The following SLC39A11 variants were observed in gnomAD, a reference collection of about 807,000 sequenced individuals.
SLC39A11 encodes the protein solute carrier family 39 member 11.
SLC39A11 carries 33 observed loss-of-function variants against 36.1 expected under a neutral mutation model. The observed-to-expected ratio is 0.91, with a 90% confidence interval of 0.69 to 1.22. The LOEUF (loss-of-function observed/expected upper bound fraction) is 1.22, where lower values mean the gene tolerates loss of function less well. SLC39A11 is among the 50% of genes most tolerant of loss of function. The pLI is 0.00. For missense variants in SLC39A11, 432 were observed against 430.3 expected, an observed-to-expected ratio of 1.00 and a Z score of -0.03; for synonymous variants, 166 against 170.3, an observed-to-expected ratio of 0.97 and a Z score of 0.20.
At chr17:72,675,286 G>T (rs1355388137) in intron 7 of SLC39A11, among the ~76,000 whole-genome samples, 2 of 152,160 alleles carry the variant, frequency 1.3e-5, no homozygotes, top group African/African-American at 4.8e-5. Flanking sequence ...CAGTGAGCTA[G>T]CTAGTTCTTC....
intron 7 of SLC39A11, among the ~76,000 whole-genome samples, chr17:72,729,442 TATATATATATATA>T (rs2074109248): frequency 3.5e-4 from 2 of 5,740 alleles, no homozygotes; most frequent in African/African-American, 9.8e-4. Flanking sequence ...TATATATATA[TATATATATATATA>T]TATTTTTTTT....
At chr17:72,665,982 G>A (rs964523726) in intron 7 of SLC39A11, among the ~76,000 whole-genome samples, 7 of 152,134 alleles carry the variant, frequency 4.6e-5, no homozygotes, top group Admixed American at 2.6e-4. Context: ...GGTGCATACA[G>A]CAATGAAACA....
chr17:73,016,037 T>C (rs1457617196), intron 4 of SLC39A11, among the ~76,000 whole-genome samples: 1 of 152,228 alleles, frequency 6.6e-6, no homozygotes, highest in Non-Finnish European at 1.5e-5. Context: ...CAAGATGCTT[T>C]CAGACCCTGG....
chr17:73,022,640 A>C (rs1184347390), intron 4 of SLC39A11, among the ~76,000 whole-genome samples: 1 of 149,898 alleles, frequency 6.7e-6, no homozygotes, highest in East Asian at 2.0e-4. Flanking sequence ...AGCCCACCAT[A>C]CTAGGAAATT....
At chr17:73,036,723 A>C (rs1214681725) in intron 3 of SLC39A11, among the ~76,000 whole-genome samples, 1 of 152,156 alleles carries the variant, frequency 6.6e-6, no homozygotes, top group South Asian at 2.1e-4. Context: ...CTAGGATTAC[A>C]GGCATGAGCC....
At chr17:72,852,888 A>T (rs1201888007) in intron 5 of SLC39A11, among the ~76,000 whole-genome samples, 1 of 152,202 alleles carries the variant, frequency 6.6e-6, no homozygotes, top group Non-Finnish European at 1.5e-5. Context: ...GCTTTCTCCT[A>T]GATCAGTCAG....
chr17:72,887,875 C>A (rs1343427157), intron 5 of SLC39A11, among the ~76,000 whole-genome samples: 2 of 152,322 alleles, frequency 1.3e-5, no homozygotes, highest in Middle Eastern at 3.4e-3. Context: ...TAAATACAAA[C>A]CTAAACCCTA....
intron 3 of SLC39A11, among the ~76,000 whole-genome samples, chr17:73,034,761 A>G (rs1353180591): frequency 6.6e-6 from 1 of 152,008 alleles, no homozygotes; most frequent in Non-Finnish European, 1.5e-5. Flanking sequence ...TTCTGTCCAC[A>G]TTTCCTTCCA....
At chr17:72,739,792 A>AT (rs967031907) in intron 6 of SLC39A11, among the ~76,000 whole-genome samples, 3 of 152,080 alleles carry the variant, frequency 2.0e-5, no homozygotes, top group African/African-American at 7.2e-5. Context: ...TTTAAAAATT[A>AT]TTTTTTATTT....
At chr17:73,008,147 G>A (rs1170572267) in intron 4 of SLC39A11, among the ~76,000 whole-genome samples, 2 of 105,204 alleles carry the variant, frequency 1.9e-5, no homozygotes, top group East Asian at 2.4e-4. Flanking sequence ...TGTTGTTGGG[G>A]TTTGTTGTTT....
At position 72,971,328 on chromosome 17, in the gene SLC39A11, A is replaced by ACACC. The variant is rs774569484; in HGVS notation, c.307-23454_307-23453insGGTG. Among the ~76,000 whole-genome samples the ACACC allele has an allele frequency of 3.1e-3, 456 of 149,054 alleles. 3 individuals are homozygous for ACACC. The highest frequency in any genetic ancestry group is 0.012 in the South Asian group (55 of 4,780). ...CCTCCACACACACATACACACACAC[A>ACACC]CACACACACTCTCTCTCTCTCTCTC... On this transcript the variant is annotated intron_variant, in intron 4 of 9. Transcript: ENST00000255559.
intron 7 of SLC39A11, among the ~76,000 whole-genome samples, chr17:72,708,408 C>A (rs186849750): frequency 1.1e-3 from 170 of 152,328 alleles, no homozygotes; most frequent in African/African-American, 4.0e-3. Flanking sequence ...TCTCCTGGGT[C>A]TTGAATCTGC....
intron 6 of SLC39A11, among the ~76,000 whole-genome samples, chr17:72,766,996 C>CACTTCTCCCCCA (rs1568055085): frequency 6.6e-6 from 1 of 152,144 alleles, no homozygotes; most frequent in Non-Finnish European, 1.5e-5. Flanking sequence ...ATTCCAACCC[C>CACTTCTCCCCCA]ACTTCTCCCC....
chr17:73,038,590 C>T (rs1191017110), intron 3 of SLC39A11, among the ~76,000 whole-genome samples: 1 of 151,276 alleles, frequency 6.6e-6, no homozygotes, highest in Admixed American at 6.6e-5. Flanking sequence ...GCCTGTAATC[C>T]CAGCTATTTG....
intron 6 of SLC39A11, among the ~76,000 whole-genome samples, chr17:72,784,171 C>A (rs2076419392): frequency 2.0e-5 from 3 of 152,030 alleles, no homozygotes; most frequent in African/African-American, 7.2e-5. Context: ...ACGGTGAAAC[C>A]CTGTCTCTAC....
At chr17:73,002,038 T>C (rs566906507) in intron 4 of SLC39A11, among the ~76,000 whole-genome samples, 2 of 152,258 alleles carry the variant, frequency 1.3e-5, no homozygotes, top group East Asian at 3.9e-4. Flanking sequence ...GCTCTTAGGA[T>C]ATTCCAGGCC....
rs191392123 is a variant in SLC39A11, at chr17:72,807,442, T to C, written c.601+42192A>G. On this transcript the variant is annotated intron_variant, in intron 6 of 9. Transcript: ENST00000255559. ...CCCCTTTTGTTAACACCCGAGTTTATGCTAATAAGGTGACTAACTTGAGGT... is the reference window on the plus strand; with the variant it reads ...CCCCTTTTGTTAACACCCGAGTTTACGCTAATAAGGTGACTAACTTGAGGT... 3.6e-3 allele frequency among the ~76,000 whole-genome samples: 552 copies of C among 152,296 alleles called. 5 individuals carry two copies. Among genetic ancestry groups the C allele is most frequent in the African/African-American group, 0.013 (528 of 41,556 alleles).
chr17:73,016,693 G>T (rs2148549043), intron 4 of SLC39A11, among the ~76,000 whole-genome samples: 1 of 152,302 alleles, frequency 6.6e-6, no homozygotes, highest in East Asian at 1.9e-4. Flanking sequence ...GAAGTGATTT[G>T]CTAAATGTAA....
rs548231194 is a variant in SLC39A11 at position 72,902,331 on chromosome 17, G to A, written c.430+45421C>T. Reference sequence around the variant, plus strand: ...AGGAGAGGACACACAGAGGCCAGGCGACATCAAAAGCAGAGACTGGAGTGA... The same window carrying A: ...AGGAGAGGACACACAGAGGCCAGGCAACATCAAAAGCAGAGACTGGAGTGA... On this transcript the variant is annotated intron_variant, in intron 5 of 9. Coordinates refer to ENST00000255559, the MANE Select transcript of SLC39A11 (RefSeq NM_139177.4). Among the ~76,000 whole-genome samples, 4 of 151,794 alleles carry A rather than the reference G, an allele frequency of 2.6e-5. No individual in the cohort carries two copies. The East Asian group carries it at 5.8e-4, about 22-fold the overall frequency.
Sources: allele counts gnomAD v4.1 joint callset (sites outside exome capture counted in the v4.1 genomes callset), GRCh38; gene constraint gnomAD v4.1.1; transcripts MANE v1.5; gene names NCBI Gene and HGNC (gene_info 2026-07-23, HGNC 2026-07-21).